CDKAL1: variants seen among roughly 807,000 people sequenced by gnomAD.
The protein encoded by CDKAL1 is CDKAL1 threonylcarbamoyladenosine tRNA methylthiotransferase, also known as threonylcarbamoyladenosine tRNA methylthiotransferase.
Under a neutral mutation model 68.2 loss-of-function variants are expected in CDKAL1, and 32 were observed. The observed-to-expected ratio is 0.47, with a 90% CI of 0.35 to 0.63. The LOEUF is 0.63. Among genes scored for constraint, CDKAL1 ranks in the 30% least tolerant of loss-of-function variants. The pLI is 0.00. For missense variants in CDKAL1, 606 were observed against 696.7 expected, an observed-to-expected ratio of 0.87 and a Z score of 1.47; for synonymous variants, 234 against 244.3, an observed-to-expected ratio of 0.96 and a Z score of 0.39.
At chr6:20,821,617 A>T (rs978363658) in intron 8 of CDKAL1, among the ~76,000 whole-genome samples, 10 of 61,764 alleles carry the variant, frequency 1.6e-4, no homozygotes, top group South Asian at 1.6e-3. Flanking sequence ...TTTGCTCTGT[A>T]ATGTGTCCCA....
chr6:20,587,779 T>C (rs1019803352), intron 4 of CDKAL1, among the ~76,000 whole-genome samples: 1 of 147,572 alleles, frequency 6.8e-6, no homozygotes, highest in East Asian at 2.0e-4. Context: ...ACCAACTCAA[T>C]ACACCAGAAC....
At chr6:20,827,078 T>C (rs1202630745) in intron 8 of CDKAL1, among the ~76,000 whole-genome samples, 1 of 152,164 alleles carries the variant, frequency 6.6e-6, no homozygotes, top group Non-Finnish European at 1.5e-5. Flanking sequence ...TATGTTATTA[T>C]TAAAGAGCTT....
chr6:20,569,152 T>C (rs547634814), intron 4 of CDKAL1, among the ~76,000 whole-genome samples: 1 of 152,376 alleles, frequency 6.6e-6, no homozygotes, highest in Non-Finnish European at 1.5e-5. Context: ...TGTAAAACGT[T>C]GAATGATTTG....
intron 10 of CDKAL1, among the ~76,000 whole-genome samples, chr6:20,958,572 GTAC>G (rs1764899812): frequency 6.6e-6 from 1 of 152,110 alleles, no homozygotes; most frequent in South Asian, 2.1e-4. Context: ...TATCTCAAGG[GTAC>G]TGAACAGAGT....
chr6:20,634,068 A>G lies in CDKAL1; in HGVS notation c.287-15225A>G, dbSNP rs566421962. Among the ~76,000 whole-genome samples the G allele has an allele frequency of 1.4e-3, 214 of 152,344 alleles. 1 individual carries two copies. The highest frequency in any genetic ancestry group is 4.9e-3 in the African/African-American group (205 of 41,574). ...TCTAGAATTGGTGCCGATCCTGGAA[A>G]TGTACCATTCTGAGCAGATGACTTG... On this transcript the variant is annotated intron_variant, in intron 4 of 15. Transcript: ENST00000274695.
Position 20,627,050 on chromosome 6 carries a change from G to A in CDKAL1, c.287-22243G>A, listed in dbSNP as rs140726088. Among the ~76,000 whole-genome samples, 750 of 152,238 alleles carry A rather than the reference G, an allele frequency of 4.9e-3. 5 individuals carry two copies. Among genetic ancestry groups the A allele is most frequent in the African/African-American group, 0.017 (693 of 41,542 alleles). Reference sequence around the variant, plus strand: ...CTACCTCTTCGGCTAGCCCAAATCCGAATATATCCTTCTTATGAATACATT... The same window carrying A: ...CTACCTCTTCGGCTAGCCCAAATCCAAATATATCCTTCTTATGAATACATT... On this transcript the variant is annotated intron_variant, in intron 4 of 15. Coordinates refer to ENST00000274695, the MANE Select transcript of CDKAL1 (RefSeq NM_017774.3).
intron 5 of CDKAL1, among the ~76,000 whole-genome samples, chr6:20,664,998 C>A (rs1769461659): frequency 6.6e-6 from 1 of 151,920 alleles, no homozygotes; most frequent in Non-Finnish European, 1.5e-5. Context: ...GCCTTTGTAC[C>A]TGGTGTTAGA....
chr6:20,542,015 C>G (rs1459760315), intron 2 of CDKAL1, among the ~76,000 whole-genome samples: 1 of 152,206 alleles, frequency 6.6e-6, no homozygotes, highest in African/African-American at 2.4e-5. Flanking sequence ...TCCAGCCAAT[C>G]CTTGATGGAT....
At chr6:20,653,403 G>C (rs180963014) in intron 5 of CDKAL1, among the ~76,000 whole-genome samples, 1 of 152,118 alleles carries the variant, frequency 6.6e-6, no homozygotes, top group Non-Finnish European at 1.5e-5. Context: ...TTAAGTTTTT[G>C]CAAGTCTGTT....
At position 21,230,922 on chromosome 6, in the gene CDKAL1, G is replaced by C; in HGVS notation, c.1623G>C (p.Ala541=). The C allele has an allele frequency of 6.2e-7, 1 of 1,614,130 alleles. No homozygotes were observed. Among genetic ancestry groups the C allele is most frequent in the Non-Finnish European group, 8.5e-7 (1 of 1,179,972 alleles). ...CTGCTGCATCTCAGTGTGACTCAGC[G>C]AGTTCCAGAATGGTGCTGCCCATGC... ...HTSAASQCDS[A]SSRMVLPMPR... Residue 541 remains alanine (A), a synonymous_variant, in exon 16 of 16, where the codon GCG becomes GCC. Transcript: ENST00000274695.
chr6:20,765,978 T>G (rs957182050), intron 7 of CDKAL1, among the ~76,000 whole-genome samples: 1 of 152,218 alleles, frequency 6.6e-6, no homozygotes, highest in Non-Finnish European at 1.5e-5. Context: ...ACTGGGTTTT[T>G]TTAAATGAAG....
chr6:20,828,069 G>A (rs1469074761), intron 8 of CDKAL1, among the ~76,000 whole-genome samples: 1 of 152,086 alleles, frequency 6.6e-6, no homozygotes, highest in Non-Finnish European at 1.5e-5. Context: ...AATTACTGTT[G>A]CTCTATTTTA....
chr6:20,550,670 A>G (rs531607505), intron 4 of CDKAL1, among the ~76,000 whole-genome samples: 1 of 152,054 alleles, frequency 6.6e-6, no homozygotes, highest in Non-Finnish European at 1.5e-5. Flanking sequence ...TTATGTATGA[A>G]TAGTAACCCA....
chr6:21,232,009 G>GTTTTTTTTTT lies in CDKAL1; in HGVS notation c.*976_*985dup, dbSNP rs1554200387. The GTTTTTTTTTT allele has an allele frequency of 7.6e-6, 1 of 131,780 alleles. No individual in the cohort carries two copies. The highest frequency in any genetic ancestry group is 2.9e-5 in the African/African-American group (1 of 34,070). 8.2% of individuals were successfully genotyped at this position (131,780 alleles called of 1,614,324 possible). A position where few individuals can be genotyped will look rare whatever the true frequency, so the allele number is the denominator to read the frequency against. On this transcript the variant is annotated 3_prime_UTR_variant, in exon 16 of 16. Transcript: ENST00000274695. Reference sequence around the variant, plus strand: ...CCATTGGGGTTTTTTTTTTGTTTTTGTTTTTTTTTTTTTTTGAGTCAAGGT... The same window carrying GTTTTTTTTTT: ...CCATTGGGGTTTTTTTTTTGTTTTTGTTTTTTTTTTTTTTTTTTTTTTTTTGAGTCAAGGT...
At chr6:20,571,695 TCTAGA>T (rs1295517223) in intron 4 of CDKAL1, among the ~76,000 whole-genome samples, 1 of 151,952 alleles carries the variant, frequency 6.6e-6, no homozygotes, top group African/African-American at 2.4e-5. Context: ...AAAATTACTC[TCTAGA>T]CTGAGCTAGA....
intron 6 of CDKAL1, among the ~76,000 whole-genome samples, chr6:20,740,973 A>AT (rs1415544238): frequency 2.0e-5 from 3 of 152,184 alleles, no homozygotes; most frequent in African/African-American, 7.2e-5. Flanking sequence ...TAGAGATGGA[A>AT]TGTGGTAAAA....
At chr6:20,595,057 C>T (rs1229761018) in intron 4 of CDKAL1, among the ~76,000 whole-genome samples, 5 of 152,196 alleles carry the variant, frequency 3.3e-5, no homozygotes, top group African/African-American at 1.2e-4. Context: ...GTCTGATGGG[C>T]TTCCCTTTGT....
intron 4 of CDKAL1, among the ~76,000 whole-genome samples, chr6:20,585,774 G>C (rs1581769035): frequency 6.6e-6 from 1 of 151,916 alleles, no homozygotes. Flanking sequence ...CATCCCCAAG[G>C]CACTTTGTTT....
intron 8 of CDKAL1, among the ~76,000 whole-genome samples, chr6:20,782,403 G>A (rs73732780): frequency 0.036 from 5,432 of 152,194 alleles, 272 homozygotes; most frequent in African/African-American, 0.12. Context: ...TACAGTTGTC[G>A]CTTGACTGGA....
Sources: gnomAD v4.1 joint callset for allele counts (sites outside exome capture counted in the v4.1 genomes callset) on GRCh38, gnomAD v4.1.1 for gene constraint, MANE v1.5 for transcripts, NCBI Gene and HGNC (gene_info 2026-07-23, HGNC 2026-07-21) for gene names.